Variants in SLC9A2 observed in about 807,000 individuals in gnomAD.
SLC9A2 encodes the protein sodium/hydrogen exchanger 2.
In SLC9A2, 42 loss-of-function variants were observed where a neutral mutation model predicts 71.7. The observed-to-expected ratio is 0.59, with a 90% CI of 0.46 to 0.76. The LOEUF is 0.76. Among genes scored for constraint, SLC9A2 ranks in the 30% least tolerant of loss-of-function variants. The pLI, the probability that SLC9A2 is intolerant of heterozygous loss-of-function variation, is 0.00. For synonymous variants in SLC9A2, 396 were observed against 392.5 expected, an observed-to-expected ratio of 1.01 and a Z score of -0.10; for missense variants, 829 against 1,017.4, an observed-to-expected ratio of 0.81 and a Z score of 2.52.
At position 102,619,624 on chromosome 2, in the gene SLC9A2, A is replaced by T; in HGVS notation, c.-225A>T. 1 of 412,930 alleles carries T rather than the reference A, an allele frequency of 2.4e-6. No homozygotes were observed. The highest frequency in any genetic ancestry group is 3.7e-5 in the East Asian group (1 of 27,124). 25.6% of individuals were successfully genotyped at this position (412,930 alleles called of 1,614,324 possible). A position where few individuals can be genotyped will look rare whatever the true frequency, so the allele number is the denominator to read the frequency against. ...GCTGAGGGCTGCTGAGGGTACGCGC[A>T]GCGGCCTCTCGTCGCCCTGCACGTG... On this transcript the variant is annotated 5_prime_UTR_variant, in exon 1 of 12. Coordinates refer to ENST00000233969, the MANE Select transcript of SLC9A2 (RefSeq NM_003048.6). The surrounding 1 kb of genome is among the most constrained non-coding windows in gnomAD (Gnocchi z 4.3).
chr2:102,695,373 A>G (rs1573432719), intron 7 of SLC9A2, among the ~76,000 whole-genome samples: 1 of 152,164 alleles, frequency 6.6e-6, no homozygotes. Flanking sequence ...AGACTCCCCC[A>G]GGGTCCGAGG....
chr2:102,681,992 C>G (rs1039570022), intron 3 of SLC9A2, among the ~76,000 whole-genome samples: 2 of 152,092 alleles, frequency 1.3e-5, no homozygotes, highest in African/African-American at 4.8e-5. Context: ...AAGTCTTCTC[C>G]GAGTGAGGAG....
chr2:102,637,136 T>C (rs1238706739), intron 1 of SLC9A2, among the ~76,000 whole-genome samples: 1 of 152,144 alleles, frequency 6.6e-6, no homozygotes, highest in African/African-American at 2.4e-5. Context: ...ATACCTGCAG[T>C]CCTAACAGAC....
intron 2 of SLC9A2, among the ~76,000 whole-genome samples, chr2:102,659,090 T>C (rs547001984): frequency 1.3e-5 from 2 of 152,258 alleles, no homozygotes; most frequent in South Asian, 4.1e-4. Context: ...CCATTTGCTC[T>C]TATCATTAAA....
intron 1 of SLC9A2, 48 bp from the exon 2 acceptor site, chr2:102,657,516 A>C (rs1371813570): frequency 6.7e-6 from 9 of 1,351,438 alleles, no homozygotes; most frequent in Non-Finnish European, 9.1e-6. Context: ...CCTGTCTCCC[A>C]AATTCCTCCA....
intron 3 of SLC9A2, among the ~76,000 whole-genome samples, chr2:102,676,486 T>A (rs530536710): frequency 6.6e-6 from 1 of 152,374 alleles, no homozygotes; most frequent in East Asian, 1.9e-4. Context: ...TTGCAGAGAA[T>A]TTATGCAATG....
chr2:102,642,896 T>C (rs1265420231), intron 1 of SLC9A2, among the ~76,000 whole-genome samples: 1 of 152,220 alleles, frequency 6.6e-6, no homozygotes, highest in East Asian at 1.9e-4. Context: ...TCATATTTTC[T>C]TCACCAACAC....
intron 1 of SLC9A2, among the ~76,000 whole-genome samples, chr2:102,647,376 G>A (rs937262868): frequency 6.6e-6 from 1 of 152,206 alleles, no homozygotes; most frequent in Admixed American, 6.5e-5. Context: ...AGCACTAAAT[G>A]CCCACATCAG....
In SLC9A2 at chr2:102,619,900, C is replaced by T. The variant is rs1156654445; in HGVS notation, c.52C>T (p.Leu18=). The stretch of plus-strand genomic sequence containing the variant: ...CCTGCGGGCGCCACTGCCTCCGATG[C>T]TGTTGCTGCTGCTCCTGCAGGTGGC... ...RSLRAPLPPM[L]LLLLLQVAGP... is the part of the protein sequence containing the mutation. The change falls in exon 1 of 12, where the codon CTG becomes TTG. Residue 18 remains leucine (L), a synonymous_variant. Transcript: ENST00000233969. This position sits in a 1 kb window ranked among gnomAD's most constrained non-coding sequence, Gnocchi z 4.3. The T allele has an allele frequency of 6.3e-7, 1 of 1,590,638 alleles. No individual in the cohort carries two copies. The highest frequency in any genetic ancestry group is 8.6e-7 in the Non-Finnish European group (1 of 1,167,618).
chr2:102,624,252 A>G (rs930158691), intron 1 of SLC9A2, among the ~76,000 whole-genome samples: 5 of 152,154 alleles, frequency 3.3e-5, no homozygotes, highest in African/African-American at 1.2e-4. Flanking sequence ...ATGTTTCCTC[A>G]TTTGTTTCTT....
rs1677893109 is a variant in SLC9A2 at position 102,702,515 on chromosome 2, T to C, written c.1845+13T>C. On this transcript the variant is annotated intron_variant, in intron 9 of 11. Transcript: ENST00000233969. ...AATCCGTCAGCGAGTAAGAATAATT[T>C]ATGTAGCAAAATATTTACTTACCTT... 1.4e-6 allele frequency: 2 copies of C among 1,462,396 alleles called. No homozygotes were observed. The highest frequency in any genetic ancestry group is 4.6e-5 in the East Asian group (2 of 43,326). 90.6% of individuals were successfully genotyped at this position (1,462,396 alleles called of 1,614,324 possible).
At position 102,658,073 on chromosome 2, in the gene SLC9A2, C is replaced by T. The variant is rs202090865; in HGVS notation, c.753+46C>T. On this transcript the variant is annotated intron_variant, in intron 2 of 11. Transcript: ENST00000233969. Reference sequence around the variant, plus strand: ...ATGACTCCAACAGGTGGGGGCTGCCCAGCCACCTGCAGTGGCTCTCTGCAC... The same window carrying T: ...ATGACTCCAACAGGTGGGGGCTGCCTAGCCACCTGCAGTGGCTCTCTGCAC... The T allele has an allele frequency of 2.1e-6, 3 of 1,436,868 alleles. No individual in the cohort carries two copies. In the East Asian group the frequency reaches 6.8e-5, roughly 33 times the overall value. 89.0% of individuals were successfully genotyped at this position (1,436,868 alleles called of 1,614,324 possible).
Position 102,665,081 on chromosome 2 carries a change from GT to G in SLC9A2, c.754-8del, listed in dbSNP as rs35151143. On this transcript the variant is annotated intron_variant, in intron 2 of 11. Coordinates refer to ENST00000233969, the MANE Select transcript of SLC9A2 (RefSeq NM_003048.6). The stretch of plus-strand genomic sequence containing the variant: ...AAATGGGAAAGGGTCTTGACAAGGT[GT>G]TTTTTTTTTTCCTGCAGGTCCTGTA... 0.011 allele frequency: 13,149 copies of G among 1,248,808 alleles called. 50 individuals are homozygous for G. The highest frequency in any genetic ancestry group is 0.057 in the African/African-American group (3,635 of 63,788). 77.4% of individuals were successfully genotyped at this position (1,248,808 alleles called of 1,614,324 possible).
intron 1 of SLC9A2, among the ~76,000 whole-genome samples, chr2:102,632,043 CACACACACATATATAT>C (rs1158784334): frequency 2.2e-5 from 2 of 91,936 alleles, no homozygotes; most frequent in Admixed American, 1.0e-4. Flanking sequence ...TATATACATA[CACACACACATATATAT>C]ACACACACAT....
intron 3 of SLC9A2, among the ~76,000 whole-genome samples, chr2:102,681,876 A>G (rs1458288089): frequency 6.6e-6 from 1 of 152,222 alleles, no homozygotes; most frequent in African/African-American, 2.4e-5. Context: ...GTTACTTGCA[A>G]TGAGACGTGT....
chr2:102,674,845 G>A (rs1677320238), intron 3 of SLC9A2, among the ~76,000 whole-genome samples: 1 of 152,210 alleles, frequency 6.6e-6, no homozygotes, highest in African/African-American at 2.4e-5. Flanking sequence ...GTCCCTTCAT[G>A]AGAAGGCTTC....
intron 9 of SLC9A2, 46 bp downstream of exon 9, chr2:102,702,548 CAGGATG>C: frequency 8.7e-7 from 1 of 1,155,380 alleles, no homozygotes; most frequent in Non-Finnish European, 1.3e-6. Flanking sequence ...CTTTGGCTAA[CAGGATG>C]CCTTCTGGTT....
At chr2:102,663,187 T>C (rs1677078673) in intron 2 of SLC9A2, among the ~76,000 whole-genome samples, 1 of 152,178 alleles carries the variant, frequency 6.6e-6, no homozygotes, top group Non-Finnish European at 1.5e-5. Flanking sequence ...TGGCAAACAA[T>C]GATGCCTTTA....
intron 1 of SLC9A2, among the ~76,000 whole-genome samples, chr2:102,623,699 C>A (rs1676188464): frequency 6.6e-6 from 1 of 152,124 alleles, no homozygotes; most frequent in Non-Finnish European, 1.5e-5. Flanking sequence ...CAAATGCTAA[C>A]CCCTGCAAAA....
Sources: gnomAD v4.1 joint callset for allele counts (sites outside exome capture counted in the v4.1 genomes callset) on GRCh38, gnomAD v4.1.1 for gene constraint, Gnocchi (gnomAD v3.1) non-coding constraint, MANE v1.5 for transcripts, NCBI Gene and HGNC (gene_info 2026-07-23, HGNC 2026-07-21) for gene names.